The following PPP2R5C variants were observed in gnomAD, a reference collection of about 807,000 sequenced individuals.
The protein encoded by PPP2R5C is serine/threonine-protein phosphatase 2A 56 kDa regulatory subunit gamma isoform.
Under a neutral mutation model 68.9 loss-of-function variants are expected in PPP2R5C, and 7 were observed. The ratio of observed to expected loss-of-function variants is 0.10; its 90% CI spans 0.06 to 0.19. PPP2R5C has a LOEUF of 0.19. Ranked by LOEUF, PPP2R5C falls within the 10% of genes least tolerant of loss-of-function variation. The probability of loss-of-function intolerance (pLI) is 1.00; values close to 1 mark genes in which losing one functional copy is unlikely to be tolerated. For missense variants in PPP2R5C, 348 were observed against 641.3 expected, an observed-to-expected ratio of 0.54 and a Z score of 4.94; for synonymous variants, 210 against 222.2, an observed-to-expected ratio of 0.95 and a Z score of 0.49.
chr14:101,824,753 G>C (rs1214671361), intron 1 of PPP2R5C: 1 of 152,594 alleles, frequency 6.6e-6, no homozygotes, highest in African/African-American at 2.4e-5. Flanking sequence ...AGAACTGGTC[G>C]TGTTATAGGT....
At chr14:101,925,663 T>A (rs1254680444) in exon 14 of PPP2R5C, 1 of 158,724 alleles carries the variant, frequency 6.3e-6, no homozygotes, top group Non-Finnish European at 1.4e-5. Flanking sequence ...AAGGAACGCT[T>A]TAAAAAATAG....
rs1041044053 is a variant in PPP2R5C, at chr14:101,815,971, A to G, written c.94+5935A>G. 3.3e-5 allele frequency among the ~76,000 whole-genome samples: 5 copies of G among 152,360 alleles called. No individual in the cohort carries two copies. In the East Asian group the frequency reaches 5.8e-4, roughly 18 times the overall value. Reference sequence around the variant, plus strand: ...AGGCATGAGCCACCACACCCGGCCTATCTGATGTATTTCTTAGCTAAATAC... The same window carrying G: ...AGGCATGAGCCACCACACCCGGCCTGTCTGATGTATTTCTTAGCTAAATAC... On this transcript the variant is annotated intron_variant, in intron 1 of 13. Transcript: ENST00000334743.
chr14:101,895,600 A>T (rs1264881043), intron 8 of PPP2R5C, among the ~76,000 whole-genome samples: 1 of 152,164 alleles, frequency 6.6e-6, no homozygotes, highest in Admixed American at 6.5e-5. Context: ...TATTTCACTC[A>T]GCGTAATGTC....
chr14:101,872,861 T>G (rs2043513342), intron 2 of PPP2R5C, among the ~76,000 whole-genome samples: 1 of 152,144 alleles, frequency 6.6e-6, no homozygotes, highest in South Asian at 2.1e-4. Context: ...TTCTCTCCTT[T>G]AGGGATCCCA....
At chr14:101,873,263 T>C (rs116995481) in intron 2 of PPP2R5C, among the ~76,000 whole-genome samples, 4,983 of 152,346 alleles carry the variant, frequency 0.033, 115 homozygotes, top group South Asian at 0.099. Flanking sequence ...CTTCTCATTA[T>C]AAATCCTTCT....
At chr14:101,897,450 A>G (rs2045408196) in intron 8 of PPP2R5C, among the ~76,000 whole-genome samples, 1 of 150,922 alleles carries the variant, frequency 6.6e-6, no homozygotes, top group African/African-American at 2.4e-5. Context: ...CCCAGGTCCC[A>G]CAATAGCCCG....
chr14:101,834,622 G>A (rs1010881998), intron 1 of PPP2R5C, among the ~76,000 whole-genome samples: 2 of 152,190 alleles, frequency 1.3e-5, no homozygotes, highest in East Asian at 1.9e-4. Flanking sequence ...AAATTATGAG[G>A]TCATAGAATG....
rs931100533 is a variant in PPP2R5C, at chr14:101,915,442, T to C, written c.1327-2389T>C. Among the ~76,000 whole-genome samples, 2 of 152,174 alleles carry C rather than the reference T, an allele frequency of 1.3e-5. No homozygotes were observed. The highest frequency in any genetic ancestry group is 4.8e-5 in the African/African-American group (2 of 41,458). On this transcript the variant is annotated intron_variant, in intron 12 of 13. Transcript: ENST00000334743. The surrounding 1 kb of genome is among the most constrained non-coding windows in gnomAD (Gnocchi z 4.2). ...CTGCCAGTGCCCGCTGTGTGAGGTT[T>C]ATTTTGCTGTGAACATCTGGTAGCA...
At chr14:101,922,563 C>T (rs924662307) in intron 13 of PPP2R5C, among the ~76,000 whole-genome samples, 1 of 151,276 alleles carries the variant, frequency 6.6e-6, no homozygotes, top group Admixed American at 6.6e-5. Flanking sequence ...CCTGTAATCC[C>T]AACACTTTGG....
intron 5 of PPP2R5C, among the ~76,000 whole-genome samples, chr14:101,884,453 AT>A (rs1028197562): frequency 6.6e-6 from 1 of 152,208 alleles, no homozygotes; most frequent in African/African-American, 2.4e-5. Flanking sequence ...GCATCACCTC[AT>A]TCTTCCCGTG....
intron 8 of PPP2R5C, among the ~76,000 whole-genome samples, chr14:101,897,317 A>T (rs898582767): frequency 2.6e-5 from 4 of 152,042 alleles, no homozygotes; most frequent in Admixed American, 6.6e-5. Flanking sequence ...TTTTTTTTTT[A>T]AACTGTATTT....
intron 2 of PPP2R5C, among the ~76,000 whole-genome samples, chr14:101,859,667 T>A (rs1224137858): frequency 1.3e-5 from 2 of 152,190 alleles, no homozygotes; most frequent in Admixed American, 1.3e-4. Flanking sequence ...TTTGTGACCC[T>A]CTTGTCAAGA....
At position 101,919,374 on chromosome 14, in the gene PPP2R5C, TCAC is replaced by T. The variant is rs201366780; in HGVS notation, c.1443+1430_1443+1432del. On this transcript the variant is annotated intron_variant, in intron 13 of 13. Coordinates refer to ENST00000334743, the Ensembl canonical transcript of PPP2R5C. Reference sequence around the variant, plus strand: ...TAATCCAGTTGGTTCCATATTCTCCTCACCATGAATGTTCTTAGCAATGAATAG... The same window carrying T: ...TAATCCAGTTGGTTCCATATTCTCCTCATGAATGTTCTTAGCAATGAATAG... Among the ~76,000 whole-genome samples the T allele has an allele frequency of 1.1e-4, 16 of 152,354 alleles. No homozygotes were observed. In the East Asian group the frequency reaches 3.1e-3, roughly 29 times the overall value.
intron 13 of PPP2R5C, chr14:101,921,277 T>G (rs1198921958): frequency 5.9e-6 from 1 of 169,782 alleles, no homozygotes; most frequent in East Asian, 1.9e-4. Flanking sequence ...TTGGCTAGGC[T>G]GGTCTCAAAC....
upstream of PPP2R5C, chr14:101,760,746 GAGGGGAGGGGC>G: frequency 1.1e-6 from 1 of 878,946 alleles, no homozygotes; most frequent in Non-Finnish European, 1.3e-6. Context: ...GGGGCTGGTC[GAGGGGAGGGGC>G]TGGTCGAGGG....
At chr14:101,911,292 C>T (rs2046376485) in intron 11 of PPP2R5C, among the ~76,000 whole-genome samples, 1 of 152,080 alleles carries the variant, frequency 6.6e-6, no homozygotes, top group African/African-American at 2.4e-5. Flanking sequence ...AATCCTTGCC[C>T]TTTTGGGGTT....
chr14:101,858,180 A>G (rs1000476994), intron 2 of PPP2R5C, among the ~76,000 whole-genome samples: 2 of 152,178 alleles, frequency 1.3e-5, no homozygotes, highest in African/African-American at 2.4e-5. Context: ...TGTTCAGACT[A>G]ATGACACTTG....
In PPP2R5C at chr14:101,891,036, T is replaced by C. The variant is rs2044863719; in HGVS notation, c.689+740T>C. Among the ~76,000 whole-genome samples the C allele has an allele frequency of 6.6e-6, 1 of 152,124 alleles. No homozygotes were observed. Among genetic ancestry groups the C allele is most frequent in the Non-Finnish European group, 1.5e-5 (1 of 68,020 alleles). On this transcript the variant is annotated intron_variant, in intron 6 of 13. Coordinates refer to ENST00000334743, the Ensembl canonical transcript of PPP2R5C. The surrounding 1 kb of genome is among the most constrained non-coding windows in gnomAD (Gnocchi z 4.9). The stretch of plus-strand genomic sequence containing the variant: ...GATCTGCCCGCCTCACCTCCCAAAG[T>C]GCTGAGATTACAGGCATGAGCCACC...
chr14:101,859,051 C>T lies in PPP2R5C; in HGVS notation c.294+2166C>T, dbSNP rs192346348. Among the ~76,000 whole-genome samples, 40 of 152,330 alleles carry T rather than the reference C, an allele frequency of 2.6e-4. 1 individual carries two copies. The East Asian group carries it at 6.9e-3, about 26-fold the overall frequency. On this transcript the variant is annotated intron_variant, in intron 2 of 13. Transcript: ENST00000334743. ...ATTAACTTGTTTCCCACCCAAACCT[C>T]GCGCTGGGCTCCAGAGCGTTGCCAG...
Sources: gnomAD v4.1 joint callset for allele counts (sites outside exome capture counted in the v4.1 genomes callset) on GRCh38, gnomAD v4.1.1 for gene constraint, Gnocchi (gnomAD v3.1) non-coding constraint, MANE v1.5 for transcripts, NCBI Gene and HGNC (gene_info 2026-07-23, HGNC 2026-07-21) for gene names.